Variants in GNPTG observed in about 807,000 individuals in gnomAD.
GNPTG encodes N-acetylglucosamine-1-phosphate transferase subunit gamma, also known as N-acetylglucosamine-1-phosphotransferase subunit gamma.
Under a neutral mutation model 43.8 loss-of-function variants are expected in GNPTG, and 46 were observed. The ratio of observed to expected loss-of-function variants is 1.05; its 90% CI spans 0.83 to 1.34. GNPTG has a LOEUF of 1.34. GNPTG is among the 40% of genes most tolerant of loss of function. The pLI is 0.00. For missense variants in GNPTG, 549 were observed against 411.3 expected (o/e 1.33, Z -2.90); for synonymous variants, 250 against 172.8 (o/e 1.45, Z -3.50).
intron 3 of GNPTG, among the ~76,000 whole-genome samples, chr16:1,359,398 A>G (rs570183840): frequency 6.6e-6 from 1 of 152,178 alleles, no homozygotes; most frequent in African/African-American, 2.4e-5. Flanking sequence ...CCTCCCGAGT[A>G]GCTGGGACTG....
intron 3 of GNPTG, among the ~76,000 whole-genome samples, chr16:1,359,771 T>A (rs2034838489): frequency 6.6e-6 from 1 of 152,132 alleles, no homozygotes; most frequent in African/African-American, 2.4e-5. Flanking sequence ...TGGGGTTGCA[T>A]TGAATCTGCA....
intron 3 of GNPTG, among the ~76,000 whole-genome samples, chr16:1,359,159 G>C (rs1007338391): frequency 6.6e-6 from 1 of 151,980 alleles, no homozygotes; most frequent in Non-Finnish European, 1.5e-5. Context: ...TTTAACTTGA[G>C]TTTATTGTTG....
chr16:1,362,925 G>C lies in GNPTG; in HGVS notation c.823+19G>C. The stretch of plus-strand genomic sequence containing the variant: ...CCCACAGGTGAGTCACCTGTGGGGA[G>C]AGGGCCAGGCTCACCATCACACTCG... On this transcript the variant is annotated intron_variant, in intron 10 of 10. Coordinates refer to ENST00000204679, the MANE Select transcript of GNPTG (RefSeq NM_032520.5). 1 of 1,613,974 alleles carries C rather than the reference G, an allele frequency of 6.2e-7. No homozygotes were observed. Among genetic ancestry groups the C allele is most frequent in the South Asian group, 1.1e-5 (1 of 91,084 alleles).
intron 3 of GNPTG, among the ~76,000 whole-genome samples, chr16:1,352,865 G>GT (rs751980501): frequency 2.0e-5 from 3 of 151,824 alleles, no homozygotes; most frequent in Non-Finnish European, 4.4e-5. Context: ...CAGGTGAGCG[G>GT]TTTCCCAGTG....
Position 1,362,627 on chromosome 16 carries a change from T to G in GNPTG, c.626T>G (p.Leu209Arg). The change falls in exon 9 of 11, where the codon CTG becomes CGG. Residue 209 changes from leucine to arginine, a missense_variant. Leu to Arg is a moderately radical substitution (Grantham distance 102, BLOSUM62 -2). Coordinates refer to ENST00000204679, the MANE Select transcript of GNPTG (RefSeq NM_032520.5). ...LITPQGHEKL[L>R]RTLFEDAGYL... ...CACCTTCAGGGCCATGAGAAGTTGC[T>G]GAGGACACTTTTTGAGGATGCTGGC... is the stretch of plus-strand genomic sequence containing the variant. The G allele has an allele frequency of 6.2e-7, 1 of 1,614,168 alleles. No homozygotes were observed. The highest frequency in any genetic ancestry group is 1.3e-5 in the African/African-American group (1 of 75,056).
At chr16:1,358,879 T>C (rs200152700) in intron 3 of GNPTG, 1 of 139,106 alleles carries the variant, frequency 7.2e-6, no homozygotes, top group African/African-American at 2.7e-5. Flanking sequence ...TTTTTTTTTT[T>C]GAGATGGAGT....
chr16:1,352,059 C>T, intron 1 of GNPTG, 42 bp downstream of exon 1: 1 of 1,532,278 alleles, frequency 6.5e-7, no homozygotes, highest in Non-Finnish European at 8.8e-7. Context: ...CCCGCGCGCG[C>T]TCTGCACCCC....
rs774278289 is a variant in GNPTG, at chr16:1,352,242, G to A, written c.114G>A (p.Val38=). ...CTGACCTTGCCGCTTCCCGTAGGGT[G>A]AACAACCCGTTCTTGCCTCAGGCCA... ...KVVEEPNAFG[V]NNPFLPQASR... The change falls in exon 3 of 11, where the codon GTG becomes GTA. Residue 38 remains valine, a synonymous_variant. Transcript: ENST00000204679. The A allele has an allele frequency of 6.5e-7, 1 of 1,548,984 alleles. No individual in the cohort carries two copies. The highest frequency in any genetic ancestry group is 1.2e-5 in the South Asian group (1 of 83,990).
rs1157426498 is a variant in GNPTG at position 1,352,113 on chromosome 16, G to C, written c.64G>C (p.Ala22Pro). Reference protein sequence around the residue: ...LGLSAGGPAPAGAAKMKVVEE... With the variant: ...LGLSAGGPAPPGAAKMKVVEE... ...CTCGCTCCCCGTAGGGCCCGCGCCG[G>C]CAGGTGCAGCGAAGATGAAGGTGGT... The change falls in exon 2 of 11, where the codon GCA (alanine) becomes CCA (proline). Residue 22 changes from alanine (A) to proline (P), a missense_variant. Coordinates refer to ENST00000204679, the MANE Select transcript of GNPTG (RefSeq NM_032520.5). The C allele has an allele frequency of 1.3e-6, 2 of 1,577,368 alleles. No homozygotes were observed. The highest frequency in any genetic ancestry group is 1.7e-6 in the Non-Finnish European group (2 of 1,163,392).
rs754679713 is a variant in GNPTG, at chr16:1,362,255, C to G, written c.461C>G (p.Pro154Arg). 6.2e-7 allele frequency: 1 copy of G among 1,613,494 alleles called. No homozygotes were observed. Among genetic ancestry groups the G allele is most frequent in the Non-Finnish European group, 8.5e-7 (1 of 1,179,966 alleles). The change falls in exon 7 of 11, where the codon CCG becomes CGG. Residue 154 changes from proline to arginine, a missense_variant. Coordinates refer to ENST00000204679, the MANE Select transcript of GNPTG (RefSeq NM_032520.5). The stretch of plus-strand genomic sequence containing the variant: ...AACCGGCTGGCCCATGTGTCCGAGC[C>G]GAGCACCTGCGTCTACGCGCTGACG... ...KSNRLAHVSE[P>R]STCVYALTFE...
Position 1,363,155 on chromosome 16 carries a change from A to AC in GNPTG, c.*67dup. The AC allele has an allele frequency of 7.2e-7, 1 of 1,391,928 alleles. No homozygotes were observed. The highest frequency in any genetic ancestry group is 1.0e-6 in the Non-Finnish European group (1 of 993,088). The allele number at this position is 1,391,928 out of a possible 1,614,324, so 86.2% of individuals were successfully genotyped here. ...CCCTACAGAGAAGCTGGCTGGTAGG[A>AC]CCCGCAGGGACCAGCTGACCAGGCT... is the stretch of plus-strand genomic sequence containing the variant. On this transcript the variant is annotated 3_prime_UTR_variant, in exon 11 of 11. Coordinates refer to ENST00000204679, the MANE Select transcript of GNPTG (RefSeq NM_032520.5).
chr16:1,361,592 C>G (rs1409698039), intron 3 of GNPTG, 151 bp from the exon 4 acceptor site: 13 of 777,848 alleles, frequency 1.7e-5, no homozygotes, highest in Non-Finnish European at 1.3e-5. Context: ...TGAAGTGAGC[C>G]AAGATCATGC....
chr16:1,362,160 A>G (rs906630870), intron 6 of GNPTG, 29 bp downstream of exon 6: 1 of 1,612,730 alleles, frequency 6.2e-7, no homozygotes, highest in Non-Finnish European at 8.5e-7. Flanking sequence ...GCCCGGGAAG[A>G]GGGGCCCCAG....
chr16:1,352,620 A>G, intron 3 of GNPTG: 1 of 374,052 alleles, frequency 2.7e-6, no homozygotes, highest in South Asian at 2.8e-5. Flanking sequence ...TTGTAATCTA[A>G]TCGCTTTTTT....
Position 1,351,989 on chromosome 16 carries a change from C to G in GNPTG, c.24C>G (p.Leu8=), listed in dbSNP as rs1205783993. The part of the protein sequence containing the change: MAAGLAR[L]LLLLGLSAGG... ...CGATGGCGGCGGGGCTGGCGCGGCT[C>G]CTGTTGCTCCTCGGGCTCTCGGCCG... is the stretch of plus-strand genomic sequence containing the variant. The change falls in exon 1 of 11, where the codon CTC becomes CTG. Residue 8 remains leucine (L), a synonymous_variant. Transcript: ENST00000204679. 4.2e-6 allele frequency: 6 copies of G among 1,415,544 alleles called. No homozygotes were observed. The East Asian group carries it at 9.2e-5, about 22-fold the overall frequency. 87.7% of individuals were successfully genotyped at this position (1,415,544 alleles called of 1,614,324 possible).
chr16:1,360,100 C>A (rs1231110658), intron 3 of GNPTG, among the ~76,000 whole-genome samples: 1 of 150,920 alleles, frequency 6.6e-6, no homozygotes, highest in African/African-American at 2.4e-5. Context: ...ATGCTAGACT[C>A]CGTCTCAAAA....
chr16:1,359,723 T>C (rs561759086), intron 3 of GNPTG, among the ~76,000 whole-genome samples: 1 of 152,310 alleles, frequency 6.6e-6, no homozygotes, highest in East Asian at 1.9e-4. Flanking sequence ...TTAGGATGTG[T>C]TTTTCTATTT....
chr16:1,363,359 G>C lies in GNPTG; in HGVS notation c.*268G>C. On this transcript the variant is annotated 3_prime_UTR_variant, in exon 11 of 11. Transcript: ENST00000204679. The stretch of plus-strand genomic sequence containing the variant: ...AAATGATTATAAATACTACCTTCTG[G>C]GTTAAGAAAATTCCATTCAAATAAC... 2.2e-6 allele frequency: 1 copy of C among 458,960 alleles called. No individual in the cohort carries two copies. The highest frequency in any genetic ancestry group is 2.1e-5 in the South Asian group (1 of 46,880). The allele number at this position is 458,960 out of a possible 1,614,324, so 28.4% of individuals were successfully genotyped here. A position where few individuals can be genotyped will look rare whatever the true frequency, so the allele number is the denominator to read the frequency against.
intron 3 of GNPTG, among the ~76,000 whole-genome samples, chr16:1,356,467 G>A (rs2034777836): frequency 6.6e-6 from 1 of 152,210 alleles, no homozygotes; most frequent in South Asian, 2.1e-4. Flanking sequence ...TGTCTCAGGA[G>A]GACAGGCTGC....
Sources: gnomAD v4.1 joint callset for allele counts (sites outside exome capture counted in the v4.1 genomes callset) on GRCh38, gnomAD v4.1.1 for gene constraint, MANE v1.5 for transcripts, NCBI Gene and HGNC (gene_info 2026-07-23, HGNC 2026-07-21) for gene names.